The following CTPS1 variants were observed in gnomAD, a reference collection of about 807,000 sequenced individuals.
CTPS1 encodes the protein CTP synthetase 1.
In CTPS1, 25 loss-of-function variants were observed where a neutral mutation model predicts 80.5. The ratio of observed to expected loss-of-function variants is 0.31; its 90% CI spans 0.23 to 0.43. The LOEUF (loss-of-function observed/expected upper bound fraction) is 0.43. Among genes scored for constraint, CTPS1 ranks in the 20% least tolerant of loss-of-function variants. The pLI is 1.00. For synonymous variants in CTPS1, 267 were observed against 252.5 expected (o/e 1.06, Z -0.54); for missense variants, 442 against 725.7 (o/e 0.61, Z 4.49).
chr1:40,980,083 A>G (rs1266762251), intron 1 of CTPS1: 2 of 150,802 alleles, frequency 1.3e-5, no homozygotes, highest in African/African-American at 2.4e-5. Flanking sequence ...AGAGGGGCCA[A>G]GCGGGGCGCG....
rs1642919686 is a variant in CTPS1 at position 41,002,197 on chromosome 1, A to G, written c.1132A>G (p.Thr378Ala). 1 of 1,614,220 alleles carries G rather than the reference A, an allele frequency of 6.2e-7. No homozygotes were observed. Among genetic ancestry groups the G allele is most frequent in the Admixed American group, 1.7e-5 (1 of 60,032 alleles). ...LVPGGFGVRG[T>A]EGKIQAIAWA... is the part of the protein sequence containing the mutation. ...TCCAGGAGGATTTGGTGTTCGAGGA[A>G]CAGAAGGAAAAATCCAAGCAATTGC... Residue 378 changes from threonine (T) to alanine (A), a missense_variant, in exon 11 of 19, where the codon ACA becomes GCA. Thr to Ala is a moderately conservative substitution (Grantham distance 58). Coordinates refer to ENST00000650070, the MANE Select transcript of CTPS1 (RefSeq NM_001905.4).
intron 18 of CTPS1, among the ~76,000 whole-genome samples, chr1:41,011,446 T>C (rs1006955906): frequency 5.9e-5 from 9 of 152,152 alleles, no homozygotes; most frequent in African/African-American, 1.9e-4. Flanking sequence ...AATGCTTGCA[T>C]TGGGTGGTTG....
chr1:40,984,945 C>A lies in CTPS1; in HGVS notation c.291C>A (p.Val97=). ...NLTTGKIYQY[V]INKERKGDYL... ...CCACTGGAAAGATATACCAGTATGTCATTAACAAGGAACGGAAAGGAGATT... is the reference window on the plus strand; with the variant it reads ...CCACTGGAAAGATATACCAGTATGTAATTAACAAGGAACGGAAAGGAGATT... The change falls in exon 3 of 19, where the codon GTC becomes GTA. Residue 97 remains valine, a synonymous_variant. Coordinates refer to ENST00000650070, the MANE Select transcript of CTPS1 (RefSeq NM_001905.4). The A allele has an allele frequency of 6.3e-7, 1 of 1,597,898 alleles. No individual in the cohort carries two copies. Among genetic ancestry groups the A allele is most frequent in the South Asian group, 1.1e-5 (1 of 89,128 alleles).
intron 7 of CTPS1, among the ~76,000 whole-genome samples, chr1:40,993,704 T>G (rs970164673): frequency 6.6e-6 from 1 of 152,090 alleles, no homozygotes; most frequent in African/African-American, 2.4e-5. Flanking sequence ...TGAATACAAG[T>G]CTTTCATCAG....
At chr1:40,983,657 C>G (rs1490106441) in intron 2 of CTPS1, among the ~76,000 whole-genome samples, 2 of 148,572 alleles carry the variant, frequency 1.3e-5, no homozygotes, top group African/African-American at 5.0e-5. Context: ...GGATCCCACT[C>G]TGTCCCTCAG....
At chr1:40,981,881 G>A (rs898886521) in intron 1 of CTPS1, 2 of 732,946 alleles carry the variant, frequency 2.7e-6, no homozygotes, top group Non-Finnish European at 3.9e-6. Context: ...GGGGTGGGGC[G>A]GGGGAATGCT....
intron 7 of CTPS1, among the ~76,000 whole-genome samples, chr1:40,995,666 T>TAG (rs1642733924): frequency 6.6e-6 from 1 of 152,296 alleles, no homozygotes; most frequent in South Asian, 2.1e-4. Flanking sequence ...CCCAAAGTAC[T>TAG]AGGATTATAA....
chr1:41,003,874 C>T (rs1464248197), intron 12 of CTPS1: 1 of 152,298 alleles, frequency 6.6e-6, no homozygotes, highest in East Asian at 1.9e-4. Context: ...AGATGGCACA[C>T]TCCTGCCTTG....
At chr1:40,995,856 AG>A in intron 7 of CTPS1, 60 bp from the exon 8 acceptor site, 1 of 1,531,852 alleles carries the variant, frequency 6.5e-7, no homozygotes. Flanking sequence ...CGTAGCTAGT[AG>A]GAGGCTGTAA....
At position 40,981,963 on chromosome 1, in the gene CTPS1, C is replaced by T. The variant is rs1025038271; in HGVS notation, c.-13-1315C>T. On this transcript the variant is annotated intron_variant, in intron 1 of 18. Transcript: ENST00000650070. Reference sequence around the variant, plus strand: ...ATAATTTGGCTTCACATGGAACGTTCCTGAGGAGGAAAATGTCCTGACCAT... The same window carrying T: ...ATAATTTGGCTTCACATGGAACGTTTCTGAGGAGGAAAATGTCCTGACCAT... 3.1e-6 allele frequency: 4 copies of T among 1,287,382 alleles called. No homozygotes were observed. The African/African-American group carries it at 6.1e-5, about 20-fold the overall frequency. The allele number at this position is 1,287,382 out of a possible 1,614,324, so 79.7% of individuals were successfully genotyped here.
intron 9 of CTPS1, among the ~76,000 whole-genome samples, chr1:40,999,454 A>C (rs1287689407): frequency 6.6e-6 from 1 of 152,234 alleles, no homozygotes; most frequent in Non-Finnish European, 1.5e-5. Flanking sequence ...TTCCAAAAAA[A>C]GATGTAGGTG....
intron 1 of CTPS1, 29 bp downstream of exon 1, chr1:40,979,858 G>C (rs542202659): frequency 4.6e-5 from 7 of 152,198 alleles, no homozygotes; most frequent in Admixed American, 1.3e-4. Flanking sequence ...TCCCGGGGGG[G>C]ATCTGTTCTC....
rs1046835872 is a variant in CTPS1 at position 40,979,791 on chromosome 1, A to T, written c.-52A>T. ...GGGGCTCCGCGCGCGTCGCCGGCCC[A>T]GCTCTGTCGCTGACGGGAGGATCTG... On this transcript the variant is annotated 5_prime_UTR_variant, in exon 1 of 19. Coordinates refer to ENST00000650070, the MANE Select transcript of CTPS1 (RefSeq NM_001905.4). The T allele has an allele frequency of 3.3e-5, 5 of 152,068 alleles. No homozygotes were observed. Among genetic ancestry groups the T allele is most frequent in the African/African-American group, 1.2e-4 (5 of 41,378 alleles). The allele number at this position is 152,068 out of a possible 1,614,324, so 9.4% of individuals were successfully genotyped here. A position where few individuals can be genotyped will look rare whatever the true frequency, so the allele number is the denominator to read the frequency against.
chr1:40,986,035 T>C (rs145991250), intron 3 of CTPS1, among the ~76,000 whole-genome samples: 1 of 152,384 alleles, frequency 6.6e-6, no homozygotes, highest in East Asian at 1.9e-4. Context: ...TTGCATTGAA[T>C]GCTCACTGCA....
At chr1:41,002,495 TG>T (rs1642927547) in intron 11 of CTPS1, among the ~76,000 whole-genome samples, 1 of 152,240 alleles carries the variant, frequency 6.6e-6, no homozygotes, top group East Asian at 1.9e-4. Context: ...TGTGAATTCC[TG>T]TCCATTTAAT....
chr1:40,982,625 A>C (rs1642346209), intron 1 of CTPS1, among the ~76,000 whole-genome samples: 1 of 152,140 alleles, frequency 6.6e-6, no homozygotes, highest in Non-Finnish European at 1.5e-5. Context: ...CCTGACCTCA[A>C]GTGATCCTCC....
Position 40,987,564 on chromosome 1 carries a change from G to T in CTPS1, c.438+92G>T. 18 of 921,086 alleles carry T rather than the reference G, an allele frequency of 2.0e-5. No individual in the cohort carries two copies. The South Asian group carries it at 2.4e-4, about 12-fold the overall frequency. The allele number at this position is 921,086 out of a possible 1,614,324, so 57.1% of individuals were successfully genotyped here. On this transcript the variant is annotated intron_variant, in intron 4 of 18. Coordinates refer to ENST00000650070, the MANE Select transcript of CTPS1 (RefSeq NM_001905.4). ...AAGACAGTTCCCAGTGGAGCCCTTG[G>T]CCTTCCTATCTCTGGTGCAGTATGT...
At position 40,984,852 on chromosome 1, in the gene CTPS1, A is replaced by G. The variant is rs1249411072; in HGVS notation, c.198A>G (p.Glu66=). 1.3e-6 allele frequency: 2 copies of G among 1,588,612 alleles called. No individual in the cohort carries two copies. The highest frequency in any genetic ancestry group is 1.7e-6 in the Non-Finnish European group (2 of 1,163,626). Residue 66 remains glutamate, a synonymous_variant, in exon 3 of 19, where the codon GAA becomes GAG. Coordinates refer to ENST00000650070, the MANE Select transcript of CTPS1 (RefSeq NM_001905.4). ...TTTTTGTGCTGGATGATGGTGGGGA[A>G]GTAGACCTTGACCTGGGTAACTATG... The part of the protein sequence containing the change: ...GEVFVLDDGG[E]VDLDLGNYER...
intron 12 of CTPS1, 124 bp from the exon 13 acceptor site, chr1:41,005,927 T>C: frequency 1.3e-6 from 1 of 766,028 alleles, no homozygotes; most frequent in East Asian, 2.6e-5. Context: ...GGATGCTATC[T>C]TTAGTTTTTG....
Sources: allele counts gnomAD v4.1 joint callset (sites outside exome capture counted in the v4.1 genomes callset), GRCh38; gene constraint gnomAD v4.1.1; transcripts MANE v1.5; gene names NCBI Gene and HGNC (gene_info 2026-07-23, HGNC 2026-07-21).